Variants in ZSCAN21 observed in about 807,000 individuals in gnomAD.
ZSCAN21 encodes zinc finger and SCAN domain containing 21.
In ZSCAN21, 26 loss-of-function variants were observed where a neutral mutation model predicts 35.6. That is an observed-to-expected ratio of 0.73 (90% CI 0.54 to 1.01). ZSCAN21 has a LOEUF of 1.01. Among genes scored for constraint, ZSCAN21 ranks in the 50% least tolerant of loss-of-function variants. ZSCAN21 has a pLI of 0.00. For synonymous variants in ZSCAN21, 219 were observed against 219.3 expected (o/e 1.00, Z 0.01); for missense variants, 593 against 587.1 (o/e 1.01, Z -0.10).
At chr7:100,053,545 A>ACATAC (rs1554357976) in intron 1 of ZSCAN21, among the ~76,000 whole-genome samples, 26 of 130,412 alleles carry the variant, frequency 2.0e-4, no homozygotes, top group Non-Finnish European at 2.5e-4. Flanking sequence ...ATACATACAT[A>ACATAC]ATTTTTTTTT....
In ZSCAN21 at chr7:100,064,556, G is replaced by C; in HGVS notation, c.1361G>C (p.Cys454Ser). The stretch of plus-strand genomic sequence containing the variant: ...TGTCATCACTGTGGAAAGACCTTCT[G>C]TAGCAAGTCCAATCTTTCCAAACAT... ...YWCHHCGKTF[C>S]SKSNLSKHQR... is the part of the protein sequence containing the mutation. Residue 454 changes from cysteine to serine, a missense_variant, in exon 4 of 4, where the codon TGT becomes TCT. Transcript: ENST00000292450. The C allele has an allele frequency of 6.2e-7, 1 of 1,614,238 alleles. No individual in the cohort carries two copies. The highest frequency in any genetic ancestry group is 8.5e-7 in the Non-Finnish European group (1 of 1,180,048).
In ZSCAN21 at chr7:100,064,238, T is replaced by C. The variant is rs1792511546; in HGVS notation, c.1043T>C (p.Leu348Pro). Residue 348 changes from leucine to proline, a missense_variant, in exon 4 of 4, where the codon CTT (leucine) becomes CCT (proline). Coordinates refer to ENST00000292450, the MANE Select transcript of ZSCAN21 (RefSeq NM_145914.3). ...GKAFGQSSDL[L>P]KHQRMHTEEA... Reference sequence around the variant, plus strand: ...GCTTTTGGGCAGAGCTCAGACCTTCTTAAACATCAGAGAATGCACACAGAA... The same window carrying C: ...GCTTTTGGGCAGAGCTCAGACCTTCCTAAACATCAGAGAATGCACACAGAA... The C allele has an allele frequency of 1.9e-6, 3 of 1,613,958 alleles. No individual in the cohort carries two copies. The African/African-American group carries it at 4.0e-5, about 22-fold the overall frequency.
chr7:100,063,551 G>A (rs533013538), intron 3 of ZSCAN21, among the ~76,000 whole-genome samples: 161 of 152,036 alleles, frequency 1.1e-3, no homozygotes, highest in Non-Finnish European at 1.4e-3. Context: ...GCAGTGAGCT[G>A]AGGTCACCTG....
At chr7:100,060,755 G>C (rs762254117) in intron 3 of ZSCAN21, among the ~76,000 whole-genome samples, 4 of 150,746 alleles carry the variant, frequency 2.7e-5, no homozygotes, top group African/African-American at 9.8e-5. Context: ...AGCTACTCGG[G>C]AGGCTGAGGC....
intron 3 of ZSCAN21, among the ~76,000 whole-genome samples, chr7:100,061,784 G>A (rs1213219256): frequency 6.6e-6 from 1 of 152,158 alleles, no homozygotes; most frequent in Non-Finnish European, 1.5e-5. Context: ...CCTAGGGAAG[G>A]GGAAACGGGT....
rs756085382 is a variant in ZSCAN21 at position 100,057,385 on chromosome 7, C to G, written c.379C>G (p.Leu127Val). The change falls in exon 2 of 4, where the codon CTG (leucine) becomes GTG (valine). Residue 127 changes from leucine (L) to valine (V), a missense_variant. Leu to Val is a conservative substitution (Grantham distance 32). Transcript: ENST00000292450. ...VTLLEDLERE[L>V]DEPGHQVSTP... Reference sequence around the variant, plus strand: ...TCTCCTCGAAGATCTGGAGCGGGAACTGGATGAGCCAGGACACCAGGTAGG... The same window carrying G: ...TCTCCTCGAAGATCTGGAGCGGGAAGTGGATGAGCCAGGACACCAGGTAGG... 6.4e-7 allele frequency: 1 copy of G among 1,559,238 alleles called. No individual in the cohort carries two copies. The highest frequency in any genetic ancestry group is 2.2e-5 in the East Asian group (1 of 44,504).
In ZSCAN21 at chr7:100,064,553, T is replaced by C. The variant is rs755057145; in HGVS notation, c.1358T>C (p.Phe453Ser). 1.2e-4 allele frequency: 196 copies of C among 1,614,016 alleles called. No homozygotes were observed. Among genetic ancestry groups the C allele is most frequent in the Non-Finnish European group, 1.6e-4 (189 of 1,180,022 alleles). The change falls in exon 4 of 4, where the codon TTC (phenylalanine) becomes TCC (serine). Residue 453 changes from phenylalanine (F) to serine (S), a missense_variant. Coordinates refer to ENST00000292450, the MANE Select transcript of ZSCAN21 (RefSeq NM_145914.3). ...PYWCHHCGKT[F>S]CSKSNLSKHQ... ...TGGTGTCATCACTGTGGAAAGACCTTCTGTAGCAAGTCCAATCTTTCCAAA... is the reference window on the plus strand; with the variant it reads ...TGGTGTCATCACTGTGGAAAGACCTCCTGTAGCAAGTCCAATCTTTCCAAA...
chr7:100,051,178 C>CAAAAAAAAAAAAAAAAAAAAAAAAAAA lies in ZSCAN21; in HGVS notation c.-97+1362_-97+1363insAAAAAAAAAAAAAAAAAAAAAAAAAAA, dbSNP rs369246193. Among the ~76,000 whole-genome samples, 35 of 41,366 alleles carry CAAAAAAAAAAAAAAAAAAAAAAAAAAA rather than the reference C, an allele frequency of 8.5e-4. 2 individuals are homozygous for CAAAAAAAAAAAAAAAAAAAAAAAAAAA. Among genetic ancestry groups the CAAAAAAAAAAAAAAAAAAAAAAAAAAA allele is most frequent in the East Asian group, 1.7e-3 (3 of 1,776 alleles). The allele number at this position is 41,366 out of a possible 152,430, so 27.1% of individuals were successfully genotyped here. Reference sequence around the variant, plus strand: ...GGGAAACAAGAGTGAAACTACGTCTCAAAAAAAAAAAAAAAAAAAAAAAAA... The same window carrying CAAAAAAAAAAAAAAAAAAAAAAAAAAA: ...GGGAAACAAGAGTGAAACTACGTCTCAAAAAAAAAAAAAAAAAAAAAAAAAAAAAAAAAAAAAAAAAAAAAAAAAAAA... On this transcript the variant is annotated intron_variant, in intron 1 of 3. Coordinates refer to ENST00000292450, the MANE Select transcript of ZSCAN21 (RefSeq NM_145914.3).
intron 3 of ZSCAN21, among the ~76,000 whole-genome samples, chr7:100,059,881 T>C (rs1036040876): frequency 2.6e-5 from 4 of 152,192 alleles, no homozygotes; most frequent in African/African-American, 4.8e-5. Flanking sequence ...GGCTAATTTT[T>C]GTATTTTTGG....
chr7:100,053,928 CA>C (rs1791980843), intron 1 of ZSCAN21, among the ~76,000 whole-genome samples: 1 of 151,952 alleles, frequency 6.6e-6, no homozygotes, highest in African/African-American at 2.4e-5. Context: ...AGGCTGGTCT[CA>C]ACTCCTGGCC....
intron 1 of ZSCAN21, among the ~76,000 whole-genome samples, chr7:100,055,889 G>T (rs1329238118): frequency 7.2e-6 from 1 of 138,054 alleles, no homozygotes; most frequent in Non-Finnish European, 1.6e-5. Context: ...TGATCCGCCC[G>T]CCTTGGCCTC....
Position 100,057,844 on chromosome 7 carries a change from G to C in ZSCAN21, c.546G>C (p.Glu182Asp). The part of the protein sequence containing the change: ...YESWGPLYIQ[E>D]SGEEQEFAQD... ...CTTGGGGGCCCCTGTACATCCAAGA[G>C]TCTGGTGAGGAGCAGGAGTTCGCTC... is the stretch of plus-strand genomic sequence containing the variant. Residue 182 changes from glutamate (E) to aspartate (D), a missense_variant, in exon 3 of 4, where the codon GAG (glutamate) becomes GAC (aspartate). Physicochemically the swap from Glu to Asp is conservative, Grantham distance 45. Transcript: ENST00000292450. 1 of 1,613,642 alleles carries C rather than the reference G, an allele frequency of 6.2e-7. No individual in the cohort carries two copies. The highest frequency in any genetic ancestry group is 8.5e-7 in the Non-Finnish European group (1 of 1,179,790).
chr7:100,055,647 T>C (rs1237687412), intron 1 of ZSCAN21, among the ~76,000 whole-genome samples: 1 of 150,308 alleles, frequency 6.7e-6, no homozygotes, highest in Admixed American at 6.6e-5. Flanking sequence ...TTTTCCTTTT[T>C]TTTTTTTTTT....
rs768856471 is a variant in ZSCAN21 at position 100,064,476 on chromosome 7, C to T, written c.1281C>T (p.His427=). The T allele has an allele frequency of 5.0e-6, 8 of 1,614,020 alleles. No individual in the cohort carries two copies. Among genetic ancestry groups the T allele is most frequent in the Non-Finnish European group, 6.8e-6 (8 of 1,179,990 alleles). The change falls in exon 4 of 4, where the codon CAC becomes CAT. Residue 427 remains histidine (H), a synonymous_variant. Coordinates refer to ENST00000292450, the MANE Select transcript of ZSCAN21 (RefSeq NM_145914.3). The part of the protein sequence containing the change: ...KCKECGKAFN[H]SSNFNKHHRI... ...AGGAGTGTGGGAAAGCCTTCAACCA[C>T]AGCTCCAACTTCAATAAACACCACA... is the stretch of plus-strand genomic sequence containing the variant.
At chr7:100,058,001 A>T in intron 3 of ZSCAN21, 111 bp downstream of exon 3, 1 of 1,043,504 alleles carries the variant, frequency 9.6e-7, no homozygotes, top group Admixed American at 3.4e-5. Flanking sequence ...TGACTTGATT[A>T]GTTGGGCTGA....
At chr7:100,059,463 G>A (rs2116118881) in intron 3 of ZSCAN21, among the ~76,000 whole-genome samples, 1 of 152,184 alleles carries the variant, frequency 6.6e-6, no homozygotes, top group East Asian at 1.9e-4. Context: ...GAACAGGCTT[G>A]GGTTTTAGTA....
At chr7:100,057,648 G>C in intron 2 of ZSCAN21, 50 bp from the exon 3 acceptor site, 1 of 1,506,992 alleles carries the variant, frequency 6.6e-7, no homozygotes. Flanking sequence ...TTTCATTCTT[G>C]GTCTTAAAGT....
intron 1 of ZSCAN21, among the ~76,000 whole-genome samples, chr7:100,053,676 A>G (rs1274923754): frequency 1.3e-5 from 2 of 151,312 alleles, no homozygotes; most frequent in East Asian, 1.9e-4. Flanking sequence ...CAGCCTCCCA[A>G]GTAGCTGGGA....
At chr7:100,060,444 C>T (rs1413090798) in intron 3 of ZSCAN21, among the ~76,000 whole-genome samples, 2 of 152,186 alleles carry the variant, frequency 1.3e-5, no homozygotes, top group Non-Finnish European at 2.9e-5. Context: ...CACCTGTAGT[C>T]CCAGCTACTC....
Sources: gnomAD v4.1 joint callset for allele counts (sites outside exome capture counted in the v4.1 genomes callset) on GRCh38, gnomAD v4.1.1 for gene constraint, MANE v1.5 for transcripts, NCBI Gene and HGNC (gene_info 2026-07-23, HGNC 2026-07-21) for gene names.